Variants in CNTNAP2 observed in about 807,000 individuals in gnomAD.
The protein encoded by CNTNAP2 is contactin associated protein 2.
Under a neutral mutation model 155.2 loss-of-function variants are expected in CNTNAP2, and 98 were observed. The observed-to-expected ratio is 0.63, with a 90% CI of 0.54 to 0.75. CNTNAP2 has a LOEUF of 0.75. CNTNAP2 is among the 30% of genes least tolerant of loss of function. CNTNAP2 has a pLI of 0.00. For synonymous variants in CNTNAP2, 651 were observed against 631.2 expected, an observed-to-expected ratio of 1.03 and a Z score of -0.47; for missense variants, 1,727 against 1,688.1, an observed-to-expected ratio of 1.02 and a Z score of -0.40.
chr7:148,042,700 G>T (rs1483474158), intron 15 of CNTNAP2, among the ~76,000 whole-genome samples: 1 of 152,172 alleles, frequency 6.6e-6, no homozygotes, highest in African/African-American at 2.4e-5. Flanking sequence ...GCCTGGCCCA[G>T]CTGACTGTTC....
At chr7:146,508,060 A>G (rs1797411282) in intron 1 of CNTNAP2, among the ~76,000 whole-genome samples, 1 of 152,172 alleles carries the variant, frequency 6.6e-6, no homozygotes, top group African/African-American at 2.4e-5. Context: ...TAGTTCTCGA[A>G]CATCCACCAT....
chr7:147,132,644 G>C, intron 8 of CNTNAP2, 135 bp downstream of exon 8: 1 of 1,206,820 alleles, frequency 8.3e-7, no homozygotes, highest in East Asian at 2.5e-5. Flanking sequence ...ACGCTTACTT[G>C]GTTGTAGTGT....
intron 13 of CNTNAP2, among the ~76,000 whole-genome samples, chr7:147,715,491 C>A (rs779524732): frequency 6.6e-6 from 1 of 152,052 alleles, no homozygotes; most frequent in Non-Finnish European, 1.5e-5. Context: ...TTTGTATACA[C>A]GTCTTTTGTC....
intron 9 of CNTNAP2, among the ~76,000 whole-genome samples, chr7:147,326,215 C>T (rs147167519): frequency 2.2e-3 from 329 of 152,306 alleles, no homozygotes; most frequent in African/African-American, 5.4e-3. Context: ...TTAGCCACTG[C>T]GCCTGGACAC....
chr7:146,496,512 A>G (rs1166902718), intron 1 of CNTNAP2, among the ~76,000 whole-genome samples: 2 of 152,232 alleles, frequency 1.3e-5, no homozygotes, highest in Non-Finnish European at 2.9e-5. Flanking sequence ...CTAGAATAAA[A>G]TAGCACAAAT....
intron 13 of CNTNAP2, among the ~76,000 whole-genome samples, chr7:147,644,644 C>A (rs970653669): frequency 6.6e-6 from 1 of 152,058 alleles, no homozygotes; most frequent in African/African-American, 2.4e-5. Flanking sequence ...CAAAACAAAA[C>A]AAATCTTGAA....
At chr7:146,946,063 T>G (rs1797164247) in intron 3 of CNTNAP2, among the ~76,000 whole-genome samples, 1 of 141,168 alleles carries the variant, frequency 7.1e-6, no homozygotes, top group Non-Finnish European at 1.6e-5. Context: ...AGGAGACCCT[T>G]CCTTCCTTCC....
intron 3 of CNTNAP2, among the ~76,000 whole-genome samples, chr7:147,032,909 C>A (rs1322673396): frequency 6.6e-6 from 1 of 151,672 alleles, no homozygotes; most frequent in East Asian, 2.0e-4. Flanking sequence ...AGAAGGAAAC[C>A]TATTGAATAC....
chr7:147,190,453 G>C (rs1802658940), intron 8 of CNTNAP2, among the ~76,000 whole-genome samples: 1 of 152,114 alleles, frequency 6.6e-6, no homozygotes, highest in Non-Finnish European at 1.5e-5. Context: ...GAGTTTCTCT[G>C]GGAATAAGAT....
intron 1 of CNTNAP2, among the ~76,000 whole-genome samples, chr7:146,221,795 C>T (rs1005920774): frequency 6.6e-6 from 1 of 152,148 alleles, no homozygotes; most frequent in African/African-American, 2.4e-5. Context: ...CTATTCAGGA[C>T]TGTTTACTTC....
chr7:148,142,562 A>G (rs1405499762), intron 16 of CNTNAP2, among the ~76,000 whole-genome samples: 1 of 152,204 alleles, frequency 6.6e-6, no homozygotes, highest in Non-Finnish European at 1.5e-5. Context: ...TTAGAATGGA[A>G]AAAACGTATC....
At chr7:147,210,649 C>T (rs1330308038) in intron 8 of CNTNAP2, among the ~76,000 whole-genome samples, 1 of 151,744 alleles carries the variant, frequency 6.6e-6, no homozygotes, top group African/African-American at 2.4e-5. Flanking sequence ...TTAGTTTGCT[C>T]TTGTTTTTCT....
intron 12 of CNTNAP2, among the ~76,000 whole-genome samples, chr7:147,592,667 G>T (rs1800760561): frequency 6.6e-6 from 1 of 151,944 alleles, no homozygotes; most frequent in African/African-American, 2.4e-5. Flanking sequence ...AATATAAAAT[G>T]ATATCTGCAA....
At chr7:147,720,162 C>A (rs958304393) in intron 13 of CNTNAP2, among the ~76,000 whole-genome samples, 2 of 152,106 alleles carry the variant, frequency 1.3e-5, no homozygotes, top group African/African-American at 4.8e-5. Flanking sequence ...TTTGTCTAAA[C>A]TGACCTGTAT....
At chr7:147,597,942 CTT>C (rs1038145213) in intron 12 of CNTNAP2, among the ~76,000 whole-genome samples, 1 of 152,202 alleles carries the variant, frequency 6.6e-6, no homozygotes, top group African/African-American at 2.4e-5. Flanking sequence ...ATGCTCAGTA[CTT>C]TCAATCCTGG....
At chr7:146,831,344 C>T (rs1803506240) in intron 2 of CNTNAP2, among the ~76,000 whole-genome samples, 1 of 151,956 alleles carries the variant, frequency 6.6e-6, no homozygotes, top group Non-Finnish European at 1.5e-5. Context: ...TGGATAATGC[C>T]AGTCCTTGGG....
intron 8 of CNTNAP2, among the ~76,000 whole-genome samples, chr7:147,197,565 T>G (rs1036478708): frequency 6.6e-6 from 1 of 152,050 alleles, no homozygotes; most frequent in Non-Finnish European, 1.5e-5. Context: ...GGGGAAGCAA[T>G]AGGCAAGAAA....
intron 21 of CNTNAP2, among the ~76,000 whole-genome samples, chr7:148,310,479 G>A (rs1797575331): frequency 6.6e-6 from 1 of 152,196 alleles, no homozygotes; most frequent in South Asian, 2.1e-4. Flanking sequence ...TCGTGACAGA[G>A]GTTGAAATGC....
intron 15 of CNTNAP2, among the ~76,000 whole-genome samples, chr7:148,098,412 C>T (rs1398967528): frequency 2.3e-5 from 3 of 132,962 alleles, no homozygotes; most frequent in African/African-American, 8.6e-5. Flanking sequence ...CCACTGCACT[C>T]CAGCTTGGTG....
Sources: gnomAD v4.1 joint callset for allele counts (sites outside exome capture counted in the v4.1 genomes callset) on GRCh38, gnomAD v4.1.1 for gene constraint, MANE v1.5 for transcripts, NCBI Gene and HGNC (gene_info 2026-07-23, HGNC 2026-07-21) for gene names.